PRR12: variants seen among roughly 807,000 people sequenced by gnomAD.
PRR12 encodes proline-rich protein 12.
PRR12 carries 12 observed loss-of-function variants against 138.0 expected under a neutral mutation model. The observed-to-expected ratio is 0.09, with a 90% CI of 0.06 to 0.14. PRR12 has a LOEUF of 0.14. Ranked by LOEUF, PRR12 falls within the 10% of genes least tolerant of loss-of-function variation. The probability of loss-of-function intolerance (pLI) is 1.00; values close to 1 mark genes in which losing one functional copy is unlikely to be tolerated. For missense variants in PRR12, 2,692 were observed against 2,861.3 expected, an observed-to-expected ratio of 0.94 and a Z score of 1.35; for synonymous variants, 1,567 against 1,291.7, an observed-to-expected ratio of 1.21 and a Z score of -4.57.
rs1320505664 is a variant in PRR12 at position 49,616,271 on chromosome 19, A to T, written c.5497+52A>T. On this transcript the variant is annotated intron_variant, in intron 9 of 13. Coordinates refer to ENST00000418929, the MANE Select transcript of PRR12 (RefSeq NM_020719.3). The surrounding 1 kb of genome is among the most constrained non-coding windows in gnomAD (Gnocchi z 4.2). The stretch of plus-strand genomic sequence containing the variant: ...GCAGGGGTGGGTGGGGAAGGGACAC[A>T]GGTGAGGGCTGTCCAGAGGGCTCCA... 1.4e-6 allele frequency: 2 copies of T among 1,437,952 alleles called. No individual in the cohort carries two copies. Among genetic ancestry groups the T allele is most frequent in the Admixed American group, 2.7e-5 (1 of 37,574 alleles). The allele number at this position is 1,437,952 out of a possible 1,614,324, so 89.1% of individuals were successfully genotyped here.
rs1568424347 is a variant in PRR12, at chr19:49,599,006, C to T, written c.3679-266C>T. ...TCCCAAAGGATGGGCATTCAGGGAT[C>T]CTACATTCCTGGGTCTCATGGGAAG... is the stretch of plus-strand genomic sequence containing the variant. On this transcript the variant is annotated intron_variant, in intron 4 of 13. Transcript: ENST00000418929. This position sits in a 1 kb window ranked among gnomAD's most constrained non-coding sequence, Gnocchi z 5.0. Among the ~76,000 whole-genome samples, 1 of 152,106 alleles carries T rather than the reference C, an allele frequency of 6.6e-6. No homozygotes were observed. Among genetic ancestry groups the T allele is most frequent in the African/African-American group, 2.4e-5 (1 of 41,420 alleles).
At chr19:49,619,029 T>C (rs1217253543) in intron 9 of PRR12, among the ~76,000 whole-genome samples, 2 of 152,076 alleles carry the variant, frequency 1.3e-5, no homozygotes, top group Non-Finnish European at 2.9e-5. Context: ...TGCACTGACC[T>C]GTGCAATGCC....
At position 49,595,642 on chromosome 19, in the gene PRR12, G is replaced by C. The variant is rs1047020853; in HGVS notation, c.1307G>C (p.Gly436Ala). The change falls in exon 4 of 14, where the codon GGA becomes GCA. Residue 436 changes from glycine to alanine, a missense_variant. This residue lies in a region of PRR12 where 523 missense variants were observed against 496.4 expected (regional missense o/e 1.05). Coordinates refer to ENST00000418929, the MANE Select transcript of PRR12 (RefSeq NM_020719.3). ...GCCACTGGGAAGGCCTCTGGGGCTG[G>C]AGGGGCAGGGGGCCAGGCTTATTCC... ...AYATGKASGA[G>A]GAGGQAYSPG... The C allele has an allele frequency of 3.7e-6, 6 of 1,605,566 alleles. No individual in the cohort carries two copies. Among genetic ancestry groups the C allele is most frequent in the Admixed American group, 3.4e-5 (2 of 58,980 alleles).
intron 6 of PRR12, among the ~76,000 whole-genome samples, chr19:49,613,330 C>CAAAAA (rs781467379): frequency 1.3e-5 from 1 of 76,708 alleles, no homozygotes; most frequent in Admixed American, 1.4e-4. Flanking sequence ...GGCTCCATCT[C>CAAAAA]AAAAAAAAAA....
chr19:49,591,326 G>GC lies in PRR12; in HGVS notation c.-322dup, dbSNP rs889234384. ...CCGGGACGCCCCCTCCCGAGCGCGCGCCCCCCCTTTTCTCTCGCAAGCGCC... is the reference window on the plus strand; with the variant it reads ...CCGGGACGCCCCCTCCCGAGCGCGCGCCCCCCCCTTTTCTCTCGCAAGCGCC... On this transcript the variant is annotated 5_prime_UTR_variant, in exon 1 of 14. Transcript: ENST00000418929. 3.4e-5 allele frequency among the ~76,000 whole-genome samples: 5 copies of GC among 146,218 alleles called. No individual in the cohort carries two copies. The highest frequency in any genetic ancestry group is 2.1e-4 in the East Asian group (1 of 4,816).
At chr19:49,620,737 G>A (rs2080917912) in intron 10 of PRR12, among the ~76,000 whole-genome samples, 2 of 140,052 alleles carry the variant, frequency 1.4e-5, no homozygotes, top group South Asian at 4.6e-4. Context: ...AGAAGAGGCT[G>A]GGGGCCTGGA....
In PRR12 at chr19:49,614,616, G is replaced by T; in HGVS notation, c.4857G>T (p.Lys1619Asn). The T allele has an allele frequency of 6.4e-7, 1 of 1,564,620 alleles. No homozygotes were observed. Residue 1619 changes from lysine to asparagine, a missense_variant, in exon 7 of 14, where the codon AAG (lysine) becomes AAT (asparagine). By Grantham distance (94) the Lys-to-Asn change is moderately conservative. Coordinates refer to ENST00000418929, the MANE Select transcript of PRR12 (RefSeq NM_020719.3). The surrounding 1 kb of genome is among the most constrained non-coding windows in gnomAD (Gnocchi z 5.0). ...TGCAGAAATTCACTCCGGAGATCAAGGACGGCCAGAGGCAGTTTTGTGCCA... is the reference window on the plus strand; with the variant it reads ...TGCAGAAATTCACTCCGGAGATCAATGACGGCCAGAGGCAGTTTTGTGCCA... ...ALLQKFTPEI[K>N]DGQRQFCATS...
At position 49,597,069 on chromosome 19, in the gene PRR12, G is replaced by A. The variant is rs1010730155; in HGVS notation, c.2734G>A (p.Ala912Thr). The change falls in exon 4 of 14, where the codon GCC becomes ACC. Residue 912 changes from alanine (A) to threonine (T), a missense_variant. Ala to Thr is a moderately conservative substitution (Grantham distance 58). Transcript: ENST00000418929. This position sits in a 1 kb window ranked among gnomAD's most constrained non-coding sequence, Gnocchi z 6.3. ...PNSEGKDPAG[A>T]YRSPSPQGTK... ...CTCGGAGGGCAAGGATCCCGCAGGCGCCTACCGCAGCCCCAGCCCGCAAGG... is the reference window on the plus strand; with the variant it reads ...CTCGGAGGGCAAGGATCCCGCAGGCACCTACCGCAGCCCCAGCCCGCAAGG... 9 of 1,552,352 alleles carry A rather than the reference G, an allele frequency of 5.8e-6. No individual in the cohort carries two copies. The highest frequency in any genetic ancestry group is 4.9e-5 in the East Asian group (2 of 41,170).
Position 49,599,175 on chromosome 19 carries a change from C to T in PRR12, c.3679-97C>T. The T allele has an allele frequency of 1.2e-5, 14 of 1,172,612 alleles. No individual in the cohort carries two copies. The highest frequency in any genetic ancestry group is 1.5e-5 in the African/African-American group (1 of 64,684). 72.6% of individuals were successfully genotyped at this position (1,172,612 alleles called of 1,614,324 possible). On this transcript the variant is annotated intron_variant, in intron 4 of 13. Coordinates refer to ENST00000418929, the MANE Select transcript of PRR12 (RefSeq NM_020719.3). The surrounding 1 kb of genome is among the most constrained non-coding windows in gnomAD (Gnocchi z 5.0). The stretch of plus-strand genomic sequence containing the variant: ...GGTTTGAATTCTATAAATTCACAGG[C>T]TGAGCACCTGTAAATTTGGATTTTT...
intron 6 of PRR12, 58 bp downstream of exon 6, chr19:49,601,976 A>G (rs2080814607): frequency 1.3e-6 from 2 of 1,565,014 alleles, no homozygotes; most frequent in Non-Finnish European, 1.7e-6. Context: ...CTGTTTGTTG[A>G]GTGCCCGCTG....
In PRR12 at chr19:49,599,255, G is replaced by C. The variant is rs567180023; in HGVS notation, c.3679-17G>C. The C allele has an allele frequency of 1.3e-6, 2 of 1,548,606 alleles. No individual in the cohort carries two copies. The highest frequency in any genetic ancestry group is 8.7e-7 in the Non-Finnish European group (1 of 1,148,308). ...CCAGGCTACTGGGCCCTCACGGCCC[G>C]CCACTCCCATGTCTAGATCAAGCTG... is the stretch of plus-strand genomic sequence containing the variant. On this transcript the variant is annotated splice_polypyrimidine_tract_variant and intron_variant, in intron 4 of 13. Transcript: ENST00000418929. This position sits in a 1 kb window ranked among gnomAD's most constrained non-coding sequence, Gnocchi z 5.0.
chr19:49,602,021 T>C, intron 6 of PRR12, 103 bp downstream of exon 6: 3 of 1,417,960 alleles, frequency 2.1e-6, no homozygotes, highest in Non-Finnish European at 1.9e-6. Context: ...GCAGATCCAG[T>C]CGTGGCCGGG....
rs1444467096 is a variant in PRR12, at chr19:49,591,331, C to T, written c.-324C>T. Among the ~76,000 whole-genome samples, 1 of 151,076 alleles carries T rather than the reference C, an allele frequency of 6.6e-6. No individual in the cohort carries two copies. Among genetic ancestry groups the T allele is most frequent in the Admixed American group, 6.6e-5 (1 of 15,242 alleles). On this transcript the variant is annotated 5_prime_UTR_variant, in exon 1 of 14. Transcript: ENST00000418929. Reference sequence around the variant, plus strand: ...ACGCCCCCTCCCGAGCGCGCGCCCCCCCTTTTCTCTCGCAAGCGCCGGGGC... The same window carrying T: ...ACGCCCCCTCCCGAGCGCGCGCCCCTCCTTTTCTCTCGCAAGCGCCGGGGC...
chr19:49,598,401 G>T (rs1234392657), intron 4 of PRR12, among the ~76,000 whole-genome samples: 1 of 152,136 alleles, frequency 6.6e-6, no homozygotes, highest in East Asian at 1.9e-4. Context: ...TTAAAGGACA[G>T]GTTTATGGCC....
intron 9 of PRR12, among the ~76,000 whole-genome samples, chr19:49,617,564 AAGGCT>A (rs2080899298): frequency 6.6e-6 from 1 of 152,178 alleles, no homozygotes. Context: ...CCATGAGTTC[AAGGCT>A]ATGGTGAGGT....
intron 5 of PRR12, among the ~76,000 whole-genome samples, chr19:49,600,808 T>A (rs1404723416): frequency 6.6e-6 from 1 of 152,024 alleles, no homozygotes; most frequent in Admixed American, 6.6e-5. Flanking sequence ...CACCGCAACC[T>A]CTGCCTTCCA....
chr19:49,605,803 G>A (rs2080835275), intron 6 of PRR12, among the ~76,000 whole-genome samples: 1 of 152,226 alleles, frequency 6.6e-6, no homozygotes, highest in Admixed American at 6.5e-5. Context: ...CAGGGGAGGG[G>A]GCCAGGCGAG....
chr19:49,622,956 G>GAGAA, intron 11 of PRR12, among the ~76,000 whole-genome samples: 1 of 106,674 alleles, frequency 9.4e-6, no homozygotes, highest in South Asian at 3.4e-4. Flanking sequence ...GAGAGAGAGA[G>GAGAA]AAAGAGAGAG....
At chr19:49,619,461 C>T (rs915191315) in intron 9 of PRR12, among the ~76,000 whole-genome samples, 1 of 150,546 alleles carries the variant, frequency 6.6e-6, no homozygotes, top group Non-Finnish European at 1.5e-5. Context: ...TCTCGAACTC[C>T]CGACCTCAGG....
Sources: gnomAD v4.1 joint callset for allele counts (sites outside exome capture counted in the v4.1 genomes callset) on GRCh38, gnomAD v4.1.1 for gene constraint, gnomAD v4.1.1 regional missense constraint, Gnocchi (gnomAD v3.1) non-coding constraint, MANE v1.5 for transcripts, NCBI Gene and HGNC (gene_info 2026-07-23, HGNC 2026-07-21) for gene names.